The following BNC2 variants were observed in gnomAD, a reference collection of about 807,000 sequenced individuals.
The protein encoded by BNC2 is zinc finger protein basonuclin-2.
BNC2 carries 20 observed loss-of-function variants against 76.3 expected under a neutral mutation model. That is an observed-to-expected ratio of 0.26 (90% CI 0.18 to 0.38). BNC2 has a LOEUF of 0.38. BNC2 is among the 10% of genes least tolerant of loss of function. The pLI is 1.00. For synonymous variants in BNC2, 582 were observed against 514.8 expected, an observed-to-expected ratio of 1.13 and a Z score of -1.77; for missense variants, 1,382 against 1,399.8, an observed-to-expected ratio of 0.99 and a Z score of 0.20.
At chr9:16,560,558 A>T (rs1252953660) in intron 4 of BNC2, among the ~76,000 whole-genome samples, 1 of 151,824 alleles carries the variant, frequency 6.6e-6, no homozygotes, top group Non-Finnish European at 1.5e-5. Flanking sequence ...AAAAAAAAAT[A>T]AAAAATTAAC....
chr9:16,574,643 T>C (rs975281920), intron 4 of BNC2, among the ~76,000 whole-genome samples: 46 of 152,198 alleles, frequency 3.0e-4, no homozygotes, highest in African/African-American at 1.0e-3. Context: ...GAAGGAGAAA[T>C]AGTTTCATCC....
intron 1 of BNC2, among the ~76,000 whole-genome samples, chr9:16,854,499 A>G (rs563849011): frequency 7.0e-4 from 107 of 152,350 alleles, no homozygotes; most frequent in African/African-American, 2.4e-3. Context: ...GCATTTAACA[A>G]AAGAAACTTT....
intron 1 of BNC2, among the ~76,000 whole-genome samples, chr9:16,808,273 C>A (rs10122925): frequency 0.011 from 1,622 of 152,124 alleles, 31 homozygotes; most frequent in African/African-American, 0.037. Context: ...TAATTACCCA[C>A]CATTTTCATT....
chr9:16,789,200 A>G (rs1282901177), intron 1 of BNC2, among the ~76,000 whole-genome samples: 1 of 152,124 alleles, frequency 6.6e-6, no homozygotes, highest in Non-Finnish European at 1.5e-5. Flanking sequence ...AGAAAACATC[A>G]GTGGTTGCTA....
intron 1 of BNC2, among the ~76,000 whole-genome samples, chr9:16,866,426 C>T (rs948494708): frequency 2.0e-5 from 3 of 151,860 alleles, no homozygotes; most frequent in Admixed American, 1.3e-4. Context: ...ACCCACTTCT[C>T]GGTGATTTCG....
intron 5 of BNC2, among the ~76,000 whole-genome samples, chr9:16,533,521 G>A (rs902307023): frequency 6.6e-6 from 1 of 152,104 alleles, no homozygotes; most frequent in African/African-American, 2.4e-5. Context: ...GAAAAATTTA[G>A]GGATAAGTTA....
intron 5 of BNC2, among the ~76,000 whole-genome samples, chr9:16,490,917 G>C (rs73415493): frequency 0.015 from 2,321 of 152,218 alleles, 65 homozygotes; most frequent in African/African-American, 0.053. Flanking sequence ...CCTTGGAAGA[G>C]AGTCAAGCAG....
At chr9:16,512,904 G>GA (rs887085842) in intron 5 of BNC2, among the ~76,000 whole-genome samples, 1 of 121,074 alleles carries the variant, frequency 8.3e-6, no homozygotes, top group Non-Finnish European at 1.7e-5. Context: ...GGGAGGCTGA[G>GA]GGGGGAAGAT....
chr9:16,514,333 C>A (rs1822829007), intron 5 of BNC2, among the ~76,000 whole-genome samples: 1 of 152,230 alleles, frequency 6.6e-6, no homozygotes, highest in African/African-American at 2.4e-5. Flanking sequence ...TAGCTGCCAA[C>A]ACACCCCTGA....
At chr9:16,625,260 G>A (rs1037279492) in intron 3 of BNC2, among the ~76,000 whole-genome samples, 2 of 152,080 alleles carry the variant, frequency 1.3e-5, no homozygotes, top group African/African-American at 4.8e-5. Flanking sequence ...AGACCCGATC[G>A]GGAAATGAAA....
intron 1 of BNC2, among the ~76,000 whole-genome samples, chr9:16,792,933 T>A (rs546174182): frequency 1.7e-4 from 26 of 152,354 alleles, no homozygotes; most frequent in African/African-American, 5.3e-4. Context: ...AGTGGATTCC[T>A]CTCTAAATAT....
Position 16,415,251 on chromosome 9 carries a change from TTCC to T in BNC2, c.*3735_*3737del, listed in dbSNP as rs1254630700. ...ATTTTTATCACACTTTTAAACCAAA[TTCC>T]TCATTATCTATCCTTTTTTTCTCTC... On this transcript the variant is annotated 3_prime_UTR_variant, in exon 7 of 7. Coordinates refer to ENST00000380672, the MANE Select transcript of BNC2 (RefSeq NM_017637.6). The T allele has an allele frequency of 1.3e-5, 2 of 152,580 alleles. No individual in the cohort carries two copies. Among genetic ancestry groups the T allele is most frequent in the Non-Finnish European group, 2.9e-5 (2 of 68,040 alleles). 9.5% of individuals were successfully genotyped at this position (152,580 alleles called of 1,614,324 possible).
intron 1 of BNC2, among the ~76,000 whole-genome samples, chr9:16,818,918 C>T (rs765979061): frequency 6.6e-6 from 1 of 152,094 alleles, no homozygotes; most frequent in East Asian, 1.9e-4. Flanking sequence ...AGATCTCTTC[C>T]ATTTCTTACA....
chr9:16,530,540 T>C (rs1335173939), intron 5 of BNC2, among the ~76,000 whole-genome samples: 3 of 152,150 alleles, frequency 2.0e-5, no homozygotes, highest in Non-Finnish European at 2.9e-5. Context: ...TCCACTTTTA[T>C]GGAAAACATG....
At chr9:16,648,925 A>C (rs1342126470) in intron 3 of BNC2, among the ~76,000 whole-genome samples, 1 of 152,256 alleles carries the variant, frequency 6.6e-6, no homozygotes, top group African/African-American at 2.4e-5. Flanking sequence ...ATAAAAATAT[A>C]GTTTGAGTCA....
chr9:16,846,922 A>C (rs548599032), intron 1 of BNC2, among the ~76,000 whole-genome samples: 1 of 152,246 alleles, frequency 6.6e-6, no homozygotes, highest in Non-Finnish European at 1.5e-5. Flanking sequence ...AGGCAGTATT[A>C]GTGTATAATT....
chr9:16,809,556 T>C (rs1290189446), intron 1 of BNC2, among the ~76,000 whole-genome samples: 6 of 152,182 alleles, frequency 3.9e-5, no homozygotes, highest in Non-Finnish European at 8.8e-5. Context: ...TGAATTCCCT[T>C]CCTAAAAACT....
At chr9:16,669,192 G>T (rs1214771627) in intron 3 of BNC2, among the ~76,000 whole-genome samples, 1 of 152,124 alleles carries the variant, frequency 6.6e-6, no homozygotes, top group South Asian at 2.1e-4. Flanking sequence ...TGGAGCCTGA[G>T]AATATAATGG....
At chr9:16,611,074 C>CA (rs891681590) in intron 3 of BNC2, among the ~76,000 whole-genome samples, 10 of 150,332 alleles carry the variant, frequency 6.7e-5, no homozygotes, top group South Asian at 2.1e-4. Flanking sequence ...AGATCCTTGT[C>CA]AAAAAAAAAG....
Sources: gnomAD v4.1 joint callset for allele counts (sites outside exome capture counted in the v4.1 genomes callset) on GRCh38, gnomAD v4.1.1 for gene constraint, MANE v1.5 for transcripts, NCBI Gene and HGNC (gene_info 2026-07-23, HGNC 2026-07-21) for gene names.